AP1M2: variants seen among roughly 807,000 people sequenced by gnomAD.
The protein encoded by AP1M2 is AP-1 complex subunit mu-2.
In AP1M2, 41 loss-of-function variants were observed where a neutral mutation model predicts 54.6. The observed-to-expected ratio is 0.75, with a 90% confidence interval of 0.59 to 0.97. The LOEUF (loss-of-function observed/expected upper bound fraction) is 0.97. Among genes scored for constraint, AP1M2 ranks in the 50% least tolerant of loss-of-function variants. The pLI is 0.00. For synonymous variants in AP1M2, 219 were observed against 215.9 expected, an observed-to-expected ratio of 1.01 and a Z score of -0.13; for missense variants, 507 against 561.2, an observed-to-expected ratio of 0.90 and a Z score of 0.98.
rs79984464 is a variant in AP1M2 at position 10,574,754 on chromosome 19, A to T, written c.1173+150T>A. The T allele has an allele frequency of 2.1e-3, 2,390 of 1,158,684 alleles. 42 individuals are homozygous for T. In the African/African-American group the frequency reaches 0.034, roughly 17 times the overall value. The allele number at this position is 1,158,684 out of a possible 1,614,324, so 71.8% of individuals were successfully genotyped here. On this transcript the variant is annotated intron_variant, in intron 10 of 11. Coordinates refer to ENST00000250244, the MANE Select transcript of AP1M2 (RefSeq NM_005498.5). ...GAGAGGGAGCACAGGCTGTGGGCAG[A>T]TAAAGGTAACATTGCTCTGGGAAAG...
At position 10,579,713 on chromosome 19, in the gene AP1M2, C is replaced by T. The variant is rs760044858; in HGVS notation, c.816+3G>A. The T allele has an allele frequency of 8.7e-6, 14 of 1,611,818 alleles. No homozygotes were observed. Among genetic ancestry groups the T allele is most frequent in the East Asian group, 2.2e-5 (1 of 44,772 alleles). On this transcript the variant is annotated splice_donor_region_variant and intron_variant, in intron 7 of 11. Coordinates refer to ENST00000250244, the MANE Select transcript of AP1M2 (RefSeq NM_005498.5). Reference sequence around the variant, plus strand: ...ACCCAGATGGGGCTGGACCCTGCCTCACCTGGGTGCTGAGGCGGTATGACA... The same window carrying T: ...ACCCAGATGGGGCTGGACCCTGCCTTACCTGGGTGCTGAGGCGGTATGACA...
intron 7 of AP1M2, 52 bp from the exon 8 acceptor site, chr19:10,579,015 C>CT (rs749676329): frequency 0.12 from 88,489 of 735,050 alleles, 7 homozygotes; most frequent in Non-Finnish European, 0.14. Flanking sequence ...TGACTCTCTT[C>CT]TTTTTTTTTT....
intron 8 of AP1M2, among the ~76,000 whole-genome samples, chr19:10,577,724 C>T (rs564067941): frequency 4.5e-4 from 65 of 144,714 alleles, no homozygotes; most frequent in African/African-American, 1.5e-3. Flanking sequence ...CGTGAGCCAC[C>T]ATGCTTGGCC....
intron 7 of AP1M2, among the ~76,000 whole-genome samples, 171 bp from the exon 8 acceptor site, chr19:10,579,134 C>T (rs535090912): frequency 2.7e-5 from 4 of 150,796 alleles, no homozygotes; most frequent in African/African-American, 4.9e-5. Flanking sequence ...AAGCAATTCT[C>T]GGCCGGGAGC....
At position 10,574,905 on chromosome 19, in the gene AP1M2, TG is replaced by T. The variant is rs1174387465; in HGVS notation, c.1171del (p.Gln391ArgfsTer5). ...ATCCTCCCTGCCTGCTTCTCTCACC[TG>T]GATCCCAGAGACGGTGAAGTAGGGG... ...EIPYFTVSGIQVRYMKIIEKS... is the reference protein window; with the variant it reads ...EIPYFTVSGIXVRYMKIIEKS... On this transcript the variant is annotated frameshift_variant and splice_region_variant, in exon 10 of 12. Transcript: ENST00000250244. LOFTEE classifies it high-confidence loss of function. 3.1e-6 allele frequency: 5 copies of T among 1,603,054 alleles called. No homozygotes were observed. In the Admixed American group the frequency reaches 5.1e-5, roughly 16 times the overall value.
Position 10,585,283 on chromosome 19 carries a change from A to AAAG in AP1M2, c.43-1214_43-1213insCTT, listed in dbSNP as rs1568434699. ...AAGAAGGAAAGAAAGAAAGAAGAAA[A>AAAG]AAAGAAAGAAAGAAAGAAAGAAAGA... On this transcript the variant is annotated intron_variant, in intron 1 of 11. Transcript: ENST00000250244. Among the ~76,000 whole-genome samples the AAAG allele has an allele frequency of 1.5e-3, 153 of 104,622 alleles. 13 individuals carry two copies. Among genetic ancestry groups the AAAG allele is most frequent in the East Asian group, 2.2e-3 (8 of 3,678 alleles). 68.6% of individuals were successfully genotyped at this position (104,622 alleles called of 152,430 possible). A position where few individuals can be genotyped will look rare whatever the true frequency, so the allele number is the denominator to read the frequency against.
intron 8 of AP1M2, 30 bp downstream of exon 8, chr19:10,578,862 A>T: frequency 6.3e-7 from 1 of 1,583,678 alleles, no homozygotes; most frequent in Non-Finnish European, 8.6e-7. Context: ...GAGATCATGC[A>T]TTGTTAATAA....
At chr19:10,573,466 C>T (rs982288388) in intron 11 of AP1M2, among the ~76,000 whole-genome samples, 2 of 151,802 alleles carry the variant, frequency 1.3e-5, no homozygotes, top group African/African-American at 4.8e-5. Context: ...GACAGCCTCC[C>T]ACAGCCCCTC....
intron 6 of AP1M2, 136 bp from the exon 7 acceptor site, chr19:10,579,994 G>A: frequency 2.7e-6 from 2 of 734,780 alleles, no homozygotes; most frequent in Non-Finnish European, 2.1e-6. Flanking sequence ...GCAAAAACTG[G>A]CACAGTAGAG....
Position 10,572,866 on chromosome 19 carries a change from G to A in AP1M2, c.*200C>T, listed in dbSNP as rs1411505001. 5.9e-5 allele frequency: 31 copies of A among 524,622 alleles called. 1 individual carries two copies. In the South Asian group the frequency reaches 6.5e-4, roughly 11 times the overall value. The allele number at this position is 524,622 out of a possible 1,614,324, so 32.5% of individuals were successfully genotyped here. On this transcript the variant is annotated 3_prime_UTR_variant, in exon 12 of 12. Coordinates refer to ENST00000250244, the MANE Select transcript of AP1M2 (RefSeq NM_005498.5). ...GGGGGATGGGGAAAGCTCCAAGGGC[G>A]AGGGAAGCAGAGAGAGTTTCTCTCC...
Position 10,583,616 on chromosome 19 carries a change from TTA to T in AP1M2, c.255_256del (p.Tyr85Ter). 2 of 1,611,820 alleles carry T rather than the reference TTA, an allele frequency of 1.2e-6. No homozygotes were observed. Among genetic ancestry groups the T allele is most frequent in the Non-Finnish European group, 1.7e-6 (2 of 1,178,248 alleles). On this transcript the variant is annotated stop_gained and frameshift_variant, in exon 3 of 12. Transcript: ENST00000250244. LOFTEE classifies it high-confidence loss of function. ...GAGGCTAGTACCTACCTCTATTGTC[TTA>T]TACAGGAAGGAGTACACCAGGGAGG...
rs1568434744 is a variant in AP1M2, at chr19:10,585,294, A to AGAAAGAAAGAAAGAAG, written c.43-1225_43-1224insCTTCTTTCTTTCTTTC. Among the ~76,000 whole-genome samples the AGAAAGAAAGAAAGAAG allele has an allele frequency of 2.2e-4, 25 of 114,952 alleles. 1 individual carries two copies. The highest frequency in any genetic ancestry group is 8.1e-4 in the African/African-American group (24 of 29,482). 75.4% of individuals were successfully genotyped at this position (114,952 alleles called of 152,430 possible). On this transcript the variant is annotated intron_variant, in intron 1 of 11. Coordinates refer to ENST00000250244, the MANE Select transcript of AP1M2 (RefSeq NM_005498.5). ...AAAGAAAGAAGAAAAAAAGAAAGAA[A>AGAAAGAAAGAAAGAAG]GAAAGAAAGAAAGAAAGAAAGAAAG...
At chr19:10,585,287 GA>G (rs1917606330) in intron 1 of AP1M2, among the ~76,000 whole-genome samples, 2 of 47,334 alleles carry the variant, frequency 4.2e-5, no homozygotes, top group South Asian at 6.6e-4. Context: ...AAGAAAAAAA[GA>G]AAGAAAGAAA....
intron 11 of AP1M2, 52 bp from the exon 12 acceptor site, chr19:10,573,140 C>G: frequency 6.6e-7 from 1 of 1,508,668 alleles, no homozygotes; most frequent in Non-Finnish European, 9.0e-7. Flanking sequence ...AGAGGGGGGC[C>G]GGGCACGGTG....
intron 7 of AP1M2, 83 bp from the exon 8 acceptor site, chr19:10,579,046 A>G: frequency 1.8e-6 from 2 of 1,097,114 alleles, no homozygotes; most frequent in East Asian, 5.4e-5. Context: ...TTTCTTTGAG[A>G]CAGAGTCTCG....
chr19:10,579,986 A>G, intron 6 of AP1M2, 128 bp from the exon 7 acceptor site: 2 of 861,108 alleles, frequency 2.3e-6, no homozygotes, highest in Non-Finnish European at 3.4e-6. Flanking sequence ...GAGAATGAGC[A>G]AAAACTGGCA....
chr19:10,582,958 T>A (rs1485910347), intron 3 of AP1M2, among the ~76,000 whole-genome samples: 1 of 151,302 alleles, frequency 6.6e-6, no homozygotes, highest in Non-Finnish European at 1.5e-5. Context: ...TCCCCGTAGC[T>A]GGGATTACAG....
rs561322687 is a variant in AP1M2 at position 10,584,124 on chromosome 19, G to A, written c.43-54C>T. 93 of 1,569,522 alleles carry A rather than the reference G, an allele frequency of 5.9e-5. No individual in the cohort carries two copies. The East Asian group carries it at 8.1e-4, about 14-fold the overall frequency. ...CCACCAGCATCCAAGAACCTACCAC[G>A]CTGAGGAGGCACAGTGCCCGGTTCT... On this transcript the variant is annotated intron_variant, in intron 1 of 11. Coordinates refer to ENST00000250244, the MANE Select transcript of AP1M2 (RefSeq NM_005498.5).
At position 10,587,209 on chromosome 19, in the gene AP1M2, A is replaced by G. The variant is rs1220756197; in HGVS notation, c.23T>C (p.Ile8Thr). The change falls in exon 1 of 12, where the codon ATT becomes ACT. Residue 8 changes from isoleucine (I) to threonine (T), a missense_variant. Coordinates refer to ENST00000250244, the MANE Select transcript of AP1M2 (RefSeq NM_005498.5). The stretch of plus-strand genomic sequence containing the variant: ...CCTCACCTTGCCCTTAACGTCCAGA[A>G]TGAAGACAGCCGAGGCGGACATGGT... Reference protein sequence around the residue: MSASAVFILDVKGKPLIS... With the variant: MSASAVFTLDVKGKPLIS... The G allele has an allele frequency of 1.3e-6, 2 of 1,562,188 alleles. No individual in the cohort carries two copies. Among genetic ancestry groups the G allele is most frequent in the Non-Finnish European group, 1.7e-6 (2 of 1,153,242 alleles).
Sources: gnomAD v4.1 joint callset for allele counts (sites outside exome capture counted in the v4.1 genomes callset) on GRCh38, gnomAD v4.1.1 for gene constraint, MANE v1.5 for transcripts, NCBI Gene and HGNC (gene_info 2026-07-23, HGNC 2026-07-21) for gene names.